MYH10: variants seen among roughly 807,000 people sequenced by gnomAD.
MYH10 encodes myosin-10.
Under a neutral mutation model 257.8 loss-of-function variants are expected in MYH10, and 55 were observed. The ratio of observed to expected loss-of-function variants is 0.21; its 90% CI spans 0.17 to 0.27. MYH10 has a LOEUF of 0.27. Among genes scored for constraint, MYH10 ranks in the 10% least tolerant of loss-of-function variants. MYH10 has a pLI of 1.00. For missense variants in MYH10, 1,631 were observed against 2,500.6 expected (o/e 0.65, Z 7.42); for synonymous variants, 854 against 921.7 (o/e 0.93, Z 1.33).
rs1324882176 is a variant in MYH10, at chr17:8,506,220, TCA to T, written c.3386+96_3386+97del. 9.4e-6 allele frequency: 12 copies of T among 1,275,016 alleles called. No homozygotes were observed. The highest frequency in any genetic ancestry group is 8.4e-5 in the Admixed American group (3 of 35,590). The allele number at this position is 1,275,016 out of a possible 1,614,324, so 79.0% of individuals were successfully genotyped here. On this transcript the variant is annotated intron_variant, in intron 27 of 42. Transcript: ENST00000360416. This position sits in a 1 kb window ranked among gnomAD's most constrained non-coding sequence, Gnocchi z 5.0. ...CACCAAACAGCAAGCAAACCCCATCTCACTCTCCCAGGGTTTTTGAATGCTCC... is the reference window on the plus strand; with the variant it reads ...CACCAAACAGCAAGCAAACCCCATCTCTCTCCCAGGGTTTTTGAATGCTCC...
chr17:8,597,389 ATAAT>A (rs2084418476), intron 3 of MYH10, among the ~76,000 whole-genome samples: 1 of 151,476 alleles, frequency 6.6e-6, no homozygotes, highest in Non-Finnish European at 1.5e-5. Context: ...TTACTTATTA[ATAAT>A]TATTTATATA....
intron 40 of MYH10, among the ~76,000 whole-genome samples, chr17:8,478,858 G>A (rs1047212529): frequency 1.3e-5 from 2 of 152,140 alleles, no homozygotes; most frequent in Admixed American, 6.5e-5. Context: ...AGCCTCCTGA[G>A]TAGCTGGGAT....
Position 8,577,393 on chromosome 17 carries a change from C to A in MYH10, c.531-55G>T. The A allele has an allele frequency of 3.0e-6, 3 of 987,642 alleles. No homozygotes were observed. In the South Asian group the frequency reaches 5.3e-5, roughly 17 times the overall value. The allele number at this position is 987,642 out of a possible 1,614,324, so 61.2% of individuals were successfully genotyped here. On this transcript the variant is annotated intron_variant, in intron 4 of 42. Coordinates refer to ENST00000360416, the MANE Select transcript of MYH10 (RefSeq NM_001256012.3). Reference sequence around the variant, plus strand: ...TAACGAAAGCACAGCACATGCATTCCAAAATTACAACTGATAAAATTAAAT... The same window carrying A: ...TAACGAAAGCACAGCACATGCATTCAAAAATTACAACTGATAAAATTAAAT...
intron 4 of MYH10, among the ~76,000 whole-genome samples, chr17:8,588,831 T>C (rs1225986951): frequency 6.6e-6 from 1 of 152,200 alleles, no homozygotes; most frequent in Admixed American, 6.5e-5. Context: ...AGGCCTACAC[T>C]TTGACCTATG....
At chr17:8,509,204 A>T (rs2081177286) in intron 25 of MYH10, among the ~76,000 whole-genome samples, 1 of 152,184 alleles carries the variant, frequency 6.6e-6, no homozygotes, top group East Asian at 1.9e-4. Flanking sequence ...ACAAGTACTT[A>T]TTAGCACTGT....
At chr17:8,492,649 G>C in intron 33 of MYH10, 127 bp downstream of exon 33, 43 of 708,714 alleles carry the variant, frequency 6.1e-5, no homozygotes, top group South Asian at 4.4e-4. Context: ...TTTTTTTTTT[G>C]CTTTCCCTTT....
At chr17:8,567,531 A>G (rs2151996230) in intron 7 of MYH10, among the ~76,000 whole-genome samples, 1 of 152,312 alleles carries the variant, frequency 6.6e-6, no homozygotes, top group East Asian at 1.9e-4. Flanking sequence ...GGACCTCATG[A>G]TGGAACTGTA....
intron 7 of MYH10, among the ~76,000 whole-genome samples, chr17:8,559,060 G>A (rs937555633): frequency 2.6e-5 from 4 of 152,070 alleles, no homozygotes; most frequent in Non-Finnish European, 5.9e-5. Flanking sequence ...ATGACCACCT[G>A]GATGCTAATG....
rs1399534995 is a variant in MYH10 at position 8,475,404 on chromosome 17, G to C, written c.*400C>G. 1 of 174,846 alleles carries C rather than the reference G, an allele frequency of 5.7e-6. No individual in the cohort carries two copies. Among genetic ancestry groups the C allele is most frequent in the African/African-American group, 2.4e-5 (1 of 41,982 alleles). 10.8% of individuals were successfully genotyped at this position (174,846 alleles called of 1,614,324 possible). The stretch of plus-strand genomic sequence containing the variant: ...CGGGGGCCACGTGAACACAGAACTA[G>C]GTTACCTGTCTGTATGACAGAGAGC... On this transcript the variant is annotated 3_prime_UTR_variant, in exon 43 of 43. Transcript: ENST00000360416.
chr17:8,517,747 AT>A (rs2081516043), intron 21 of MYH10, among the ~76,000 whole-genome samples: 6 of 152,080 alleles, frequency 3.9e-5, no homozygotes, highest in Admixed American at 3.9e-4. Flanking sequence ...GACAGTATAG[AT>A]TCCCCCTCAC....
At chr17:8,615,041 C>T (rs972954773) in intron 2 of MYH10, among the ~76,000 whole-genome samples, 11 of 152,144 alleles carry the variant, frequency 7.2e-5, no homozygotes, top group African/African-American at 2.7e-4. Flanking sequence ...TGCCTGTAAT[C>T]CCAACACTTT....
intron 41 of MYH10, 95 bp downstream of exon 41, chr17:8,478,243 A>C: frequency 1.8e-4 from 178 of 985,570 alleles, no homozygotes; most frequent in Middle Eastern, 2.6e-4. Flanking sequence ...CAGAATCGGG[A>C]GGGCCCTGAA....
intron 7 of MYH10, among the ~76,000 whole-genome samples, chr17:8,565,641 A>G (rs1429069150): frequency 1.3e-5 from 2 of 152,254 alleles, no homozygotes; most frequent in Non-Finnish European, 2.9e-5. Context: ...ACTAAAAACA[A>G]ATCAGCTTTT....
chr17:8,579,376 C>T (rs1047208381), intron 4 of MYH10, among the ~76,000 whole-genome samples: 1 of 152,140 alleles, frequency 6.6e-6, no homozygotes, highest in Admixed American at 6.5e-5. Flanking sequence ...CTTAACTCTG[C>T]ACCCAGATAA....
At chr17:8,488,892 G>A (rs558622246) in intron 35 of MYH10, among the ~76,000 whole-genome samples, 21 of 152,112 alleles carry the variant, frequency 1.4e-4, no homozygotes, top group African/African-American at 5.1e-4. Flanking sequence ...TTCAAAGTGT[G>A]GTTTAAAAAA....
intron 6 of MYH10, among the ~76,000 whole-genome samples, chr17:8,570,056 G>A (rs1157473896): frequency 7.2e-5 from 11 of 152,204 alleles, no homozygotes; most frequent in Non-Finnish European, 1.3e-4. Flanking sequence ...ACGCTGAACA[G>A]AGAAGATCAA....
rs149021341 is a variant in MYH10 at position 8,493,747 on chromosome 17, C to A, written c.4195G>T (p.Ala1399Ser). Residue 1399 changes from alanine to serine, a missense_variant, in exon 32 of 43, where the codon GCC becomes TCC. Physicochemically the swap from Ala to Ser is moderately conservative, Grantham distance 99. Coordinates refer to ENST00000360416, the MANE Select transcript of MYH10 (RefSeq NM_001256012.3). ...ARKNLEKQVL[A>S]LQSQLADTKK... ...AGGACGCACACCTGGGACTGCAGGG[C>A]CAGCACTTGCTTCTCCAGGTTCTTC... is the stretch of plus-strand genomic sequence containing the variant. 1.0e-3 allele frequency: 1,614 copies of A among 1,613,646 alleles called. 1 individual carries two copies. The highest frequency in any genetic ancestry group is 1.3e-3 in the Non-Finnish European group (1,521 of 1,179,842).
Position 8,504,990 on chromosome 17 carries a change from C to A in MYH10, c.3387-84G>T, listed in dbSNP as rs1250627327. 1.7e-6 allele frequency: 2 copies of A among 1,149,500 alleles called. No homozygotes were observed. Among genetic ancestry groups the A allele is most frequent in the Admixed American group, 3.5e-5 (2 of 56,664 alleles). 71.2% of individuals were successfully genotyped at this position (1,149,500 alleles called of 1,614,324 possible). A position where few individuals can be genotyped will look rare whatever the true frequency, so the allele number is the denominator to read the frequency against. The stretch of plus-strand genomic sequence containing the variant: ...TCAGGCGAGCCCCAGCCCCTGAGCA[C>A]CTCTCCACGAGACCCCAGCCCCACA... On this transcript the variant is annotated intron_variant, in intron 27 of 42. Transcript: ENST00000360416. This position sits in a 1 kb window ranked among gnomAD's most constrained non-coding sequence, Gnocchi z 5.6.
At chr17:8,498,282 G>A (rs1348065205) in intron 30 of MYH10, among the ~76,000 whole-genome samples, 10 of 151,808 alleles carry the variant, frequency 6.6e-5, no homozygotes, top group Non-Finnish European at 1.2e-4. Context: ...TACCACGCCC[G>A]GCCCCATACT....
Sources: gnomAD v4.1 joint callset for allele counts (sites outside exome capture counted in the v4.1 genomes callset) on GRCh38, gnomAD v4.1.1 for gene constraint, Gnocchi (gnomAD v3.1) non-coding constraint, MANE v1.5 for transcripts, NCBI Gene and HGNC (gene_info 2026-07-23, HGNC 2026-07-21) for gene names.